The following IGSF6 variants were observed in gnomAD, a reference collection of about 807,000 sequenced individuals.
The protein encoded by IGSF6 is down-regulated by activation (immunoglobulin superfamily).
IGSF6 carries 23 observed loss-of-function variants against 24.7 expected under a neutral mutation model. The observed-to-expected ratio is 0.93, with a 90% CI of 0.67 to 1.32. IGSF6 has a LOEUF of 1.32. Among genes scored for constraint, IGSF6 ranks in the 40% most tolerant of loss-of-function variants. IGSF6 has a pLI of 0.00. For synonymous variants in IGSF6, 110 were observed against 113.7 expected, an observed-to-expected ratio of 0.97 and a Z score of 0.21; for missense variants, 295 against 293.6, an observed-to-expected ratio of 1.00 and a Z score of -0.04.
chr16:21,644,242 T>C (rs753782115), intron 3 of IGSF6, 48 bp downstream of exon 3: 2 of 1,273,198 alleles, frequency 1.6e-6, no homozygotes, highest in African/African-American at 2.9e-5. Flanking sequence ...TTTCTTTTGA[T>C]AATATTCAAG....
chr16:21,649,863 C>T (rs904137985), intron 1 of IGSF6, among the ~76,000 whole-genome samples: 11 of 152,194 alleles, frequency 7.2e-5, no homozygotes, highest in African/African-American at 2.6e-4. Context: ...TGTGCACCAC[C>T]ACGCCTGGCT....
chr16:21,644,334 C>T lies in IGSF6; in HGVS notation c.490G>A (p.Val164Ile). ...GCCACGCACACACCGGTCACATAGA[C>T]AGAGAGCAGTGATACAAGAGCTGTC... ...FLTALVSLLS[V>I]YVTGVCVAFI... The change falls in exon 3 of 6, where the codon GTC becomes ATC. Residue 164 changes from valine (V) to isoleucine (I), a missense_variant. By Grantham distance (29) the Val-to-Ile change is conservative (BLOSUM62 3). Coordinates refer to ENST00000268389, the MANE Select transcript of IGSF6 (RefSeq NM_005849.4). 1.2e-6 allele frequency: 2 copies of T among 1,614,024 alleles called. No individual in the cohort carries two copies. The highest frequency in any genetic ancestry group is 1.6e-4 in the Middle Eastern group (1 of 6,062).
chr16:21,641,639 C>T, intron 5 of IGSF6, 46 bp from the exon 6 acceptor site: 1 of 1,240,708 alleles, frequency 8.1e-7, no homozygotes, highest in Non-Finnish European at 1.2e-6. Context: ...GTTATGTAAC[C>T]AATGAAGCCA....
rs1375542626 is a variant in IGSF6 at position 21,650,273 on chromosome 16, G to A, written c.67+2259C>T. On this transcript the variant is annotated intron_variant, in intron 1 of 5. Transcript: ENST00000268389. ...TGTAATCCCAGCACTTTGGGATGCC[G>A]AGGCGGGCAGATCACCTGAGGTCAG... 1.1e-4 allele frequency among the ~76,000 whole-genome samples: 17 copies of A among 152,292 alleles called. 1 individual carries two copies. The highest frequency in any genetic ancestry group is 3.6e-4 in the African/African-American group (15 of 41,562).
chr16:21,647,967 C>T (rs1049096972), intron 1 of IGSF6, among the ~76,000 whole-genome samples: 15 of 152,130 alleles, frequency 9.9e-5, no homozygotes, highest in African/African-American at 3.6e-4. Context: ...TGAGCAGCAG[C>T]GATGTTTGTG....
rs769159530 is a variant in IGSF6, at chr16:21,643,078, T to C, written c.662A>G (p.Gln221Arg). The C allele has an allele frequency of 1.3e-6, 2 of 1,599,348 alleles. No homozygotes were observed. The highest frequency in any genetic ancestry group is 4.5e-5 in the East Asian group (2 of 44,812). ...TTTTTGACATTTTACACTTACAGAT[T>C]GCTGATTTGTTTCCACATGTCTCTT... ...YHKRHVETNQ[Q>R]SEKDNNTYEN... The change falls in exon 5 of 6, where the codon CAA (glutamine) becomes CGA (arginine). Residue 221 changes from glutamine (Q) to arginine (R), a missense_variant. Coordinates refer to ENST00000268389, the MANE Select transcript of IGSF6 (RefSeq NM_005849.4).
At chr16:21,649,613 G>C (rs1363636579) in intron 1 of IGSF6, among the ~76,000 whole-genome samples, 1 of 152,208 alleles carries the variant, frequency 6.6e-6, no homozygotes. Context: ...ACTTAGCAAA[G>C]TTAAGCACTG....
rs924743682 is a variant in IGSF6, at chr16:21,648,690, C to T, written c.68-1198G>A. 1.2e-4 allele frequency among the ~76,000 whole-genome samples: 18 copies of T among 152,316 alleles called. 2 individuals are homozygous for T. The highest frequency in any genetic ancestry group is 5.2e-4 in the Admixed American group (8 of 15,296). Reference sequence around the variant, plus strand: ...AGACCCGCCCTAAACCCTTCTTTTGCGGCAGGGGAGGCCATAGGTAAAATA... The same window carrying T: ...AGACCCGCCCTAAACCCTTCTTTTGTGGCAGGGGAGGCCATAGGTAAAATA... On this transcript the variant is annotated intron_variant, in intron 1 of 5. Coordinates refer to ENST00000268389, the MANE Select transcript of IGSF6 (RefSeq NM_005849.4).
At position 21,639,881 on chromosome 16, in the gene IGSF6, A is replaced by G. The variant is rs187303224; in HGVS notation, c.*1653T>C. On this transcript the variant is annotated 3_prime_UTR_variant, in exon 6 of 6. Coordinates refer to ENST00000268389, the MANE Select transcript of IGSF6 (RefSeq NM_005849.4). ...AATATTTAACAATTCTAAGTTTTATAAAGAATACACCTTAGGCAATACCAG... is the reference window on the plus strand; with the variant it reads ...AATATTTAACAATTCTAAGTTTTATGAAGAATACACCTTAGGCAATACCAG... 6.6e-6 allele frequency: 1 copy of G among 152,366 alleles called. No homozygotes were observed. Among genetic ancestry groups the G allele is most frequent in the Non-Finnish European group, 1.5e-5 (1 of 68,040 alleles). 9.4% of individuals were successfully genotyped at this position (152,366 alleles called of 1,614,324 possible).
chr16:21,647,505 G>A lies in IGSF6; in HGVS notation c.68-13C>T, dbSNP rs749276966. 1.9e-5 allele frequency: 31 copies of A among 1,599,614 alleles called. No homozygotes were observed. In the South Asian group the frequency reaches 3.3e-4, roughly 17 times the overall value. ...GCGCCCACAGCACCTGTGGGAGGAA[G>A]CAGATGAGTGGGTTAATGGGCCTGC... On this transcript the variant is annotated splice_polypyrimidine_tract_variant and intron_variant, in intron 1 of 5. Coordinates refer to ENST00000268389, the MANE Select transcript of IGSF6 (RefSeq NM_005849.4).
chr16:21,645,589 A>G (rs759514079), intron 2 of IGSF6, among the ~76,000 whole-genome samples: 7 of 152,230 alleles, frequency 4.6e-5, no homozygotes, highest in Non-Finnish European at 8.8e-5. Context: ...CAGTGTGAAA[A>G]TAGGAGTTCT....
intron 1 of IGSF6, among the ~76,000 whole-genome samples, chr16:21,650,872 G>A (rs1221899681): frequency 6.6e-6 from 1 of 152,162 alleles, no homozygotes; most frequent in Non-Finnish European, 1.5e-5. Context: ...CCAATGAAAA[G>A]GTTGAAGATT....
Position 21,647,164 on chromosome 16 carries a change from CTGTT to C in IGSF6, c.392_395del (p.Lys131ArgfsTer10). ...CCACCAGTGTGGTCCCTCCTCCTGT[CTGTT>C]TAGCTCTCGCTTCCGGCACACTGGG... On this transcript the variant is annotated frameshift_variant, in exon 2 of 6. Transcript: ENST00000268389. LOFTEE classifies it high-confidence loss of function. The C allele has an allele frequency of 1.2e-6, 2 of 1,614,180 alleles. No individual in the cohort carries two copies. Among genetic ancestry groups the C allele is most frequent in the Non-Finnish European group, 1.7e-6 (2 of 1,180,026 alleles).
chr16:21,646,812 T>G, intron 2 of IGSF6: 1 of 356,898 alleles, frequency 2.8e-6, no homozygotes, highest in Non-Finnish European at 5.5e-6. Flanking sequence ...CATGCCACCA[T>G]GCGCGGCTAA....
chr16:21,648,866 C>T (rs995324833), intron 1 of IGSF6, among the ~76,000 whole-genome samples: 1 of 152,198 alleles, frequency 6.6e-6, no homozygotes, highest in Non-Finnish European at 1.5e-5. Context: ...GCTTAATTTT[C>T]AGACAGGGGC....
At chr16:21,651,211 A>C (rs987918620) in intron 1 of IGSF6, among the ~76,000 whole-genome samples, 6 of 152,192 alleles carry the variant, frequency 3.9e-5, no homozygotes, top group Admixed American at 1.3e-4. Context: ...TGACAGAGCG[A>C]GACTCCGTCT....
rs571721102 is a variant in IGSF6 at position 21,643,181 on chromosome 16, T to A, written c.586-27A>T. On this transcript the variant is annotated intron_variant, in intron 4 of 5. Transcript: ENST00000268389. ...TATAAAGACAAATGAGAAAAAAAAA[T>A]TCTCTTTTGGGAATATAAGCGATGA... 9.5e-5 allele frequency: 146 copies of A among 1,533,830 alleles called. 1 individual carries two copies. In the South Asian group the frequency reaches 1.6e-3, roughly 17 times the overall value.
chr16:21,649,517 C>T (rs931016245), intron 1 of IGSF6, among the ~76,000 whole-genome samples: 2 of 152,114 alleles, frequency 1.3e-5, no homozygotes, highest in Non-Finnish European at 2.9e-5. Context: ...ATGTCTCCTG[C>T]CCAGACTCAA....
chr16:21,644,305 G>A lies in IGSF6; in HGVS notation c.519C>T (p.Phe173=), dbSNP rs1176463894. ...SVYVTGVCVA[F]ILLSKSKSNP... ...TTTGACTTACTTTGGAGAGGAGTAT[G>A]AAGGCCACGCACACACCGGTCACAT... Residue 173 remains phenylalanine (F), a synonymous_variant, in exon 3 of 6, where the codon TTC becomes TTT. Transcript: ENST00000268389. 6.2e-7 allele frequency: 1 copy of A among 1,611,868 alleles called. No homozygotes were observed. The highest frequency in any genetic ancestry group is 1.3e-5 in the African/African-American group (1 of 74,876).
Sources: allele counts gnomAD v4.1 joint callset (sites outside exome capture counted in the v4.1 genomes callset), GRCh38; gene constraint gnomAD v4.1.1; transcripts MANE v1.5; gene names NCBI Gene and HGNC (gene_info 2026-07-23, HGNC 2026-07-21).